FOXP2: variants seen among roughly 807,000 people sequenced by gnomAD.
FOXP2 encodes the protein forkhead box P2.
FOXP2 carries 12 observed loss-of-function variants against 115.8 expected under a neutral mutation model. That is an observed-to-expected ratio of 0.10 (90% CI 0.07 to 0.17). The LOEUF is 0.17. FOXP2 is among the 10% of genes least tolerant of loss of function. The pLI is 1.00. For missense variants in FOXP2, 629 were observed against 843.5 expected, an observed-to-expected ratio of 0.75 and a Z score of 3.15; for synonymous variants, 328 against 297.7, an observed-to-expected ratio of 1.10 and a Z score of -1.05.
intron 1 of FOXP2, among the ~76,000 whole-genome samples, chr7:114,217,217 G>A (rs2129162950): frequency 6.6e-6 from 1 of 152,264 alleles, no homozygotes; most frequent in South Asian, 2.1e-4. Context: ...GGGATTGGCA[G>A]GCCCTCTGTA....
intron 1 of FOXP2, among the ~76,000 whole-genome samples, chr7:114,174,413 A>T (rs1793232822): frequency 6.6e-6 from 1 of 152,026 alleles, no homozygotes; most frequent in Non-Finnish European, 1.5e-5. Flanking sequence ...CTGTAACTTT[A>T]TGTTAACCTG....
At chr7:114,492,399 A>G (rs1214363901) in intron 2 of FOXP2, among the ~76,000 whole-genome samples, 2 of 151,494 alleles carry the variant, frequency 1.3e-5, no homozygotes, top group African/African-American at 2.4e-5. Flanking sequence ...GATTTTTTGT[A>G]TCTCTATTTC....
At chr7:114,479,719 A>T (rs560196043) in intron 2 of FOXP2, among the ~76,000 whole-genome samples, 1 of 151,694 alleles carries the variant, frequency 6.6e-6, no homozygotes, top group South Asian at 2.1e-4. Flanking sequence ...ACAAATCTGT[A>T]CACATGTTAT....
chr7:114,663,516 G>A lies in FOXP2; in HGVS notation c.1836G>A (p.Leu612=). 1 of 1,607,186 alleles carries A rather than the reference G, an allele frequency of 6.2e-7. No homozygotes were observed. The highest frequency in any genetic ancestry group is 1.7e-5 in the Admixed American group (1 of 59,602). The change falls in exon 15 of 17, where the codon TTG becomes TTA. Residue 612 remains leucine, a synonymous_variant. Transcript: ENST00000350908. ...ATGGAGCAGCTCTTAATGCCAGTTTGCAGGTAATGTACTTTCCCAGTTTTG... is the reference window on the plus strand; with the variant it reads ...ATGGAGCAGCTCTTAATGCCAGTTTACAGGTAATGTACTTTCCCAGTTTTG... ...LGYGAALNAS[L]QAALAESSLP...
chr7:114,289,197 A>G (rs573466119), intron 2 of FOXP2, among the ~76,000 whole-genome samples: 1 of 151,994 alleles, frequency 6.6e-6, no homozygotes, highest in East Asian at 1.9e-4. Context: ...CATTAAAATG[A>G]TCCCACATTT....
chr7:114,128,932 C>A (rs920273190), intron 1 of FOXP2, among the ~76,000 whole-genome samples: 1 of 152,072 alleles, frequency 6.6e-6, no homozygotes, highest in Non-Finnish European at 1.5e-5. Flanking sequence ...CCTTATTTCC[C>A]TTTTCATCCT....
intron 2 of FOXP2, among the ~76,000 whole-genome samples, chr7:114,315,501 T>A (rs1015645829): frequency 6.6e-6 from 1 of 152,118 alleles, no homozygotes; most frequent in African/African-American, 2.4e-5. Flanking sequence ...TTGCATGAAG[T>A]ATTATATTTT....
At chr7:114,142,690 T>G (rs928379842) in intron 1 of FOXP2, among the ~76,000 whole-genome samples, 2 of 152,172 alleles carry the variant, frequency 1.3e-5, no homozygotes, top group African/African-American at 4.8e-5. Flanking sequence ...TGGCATATGG[T>G]CAGTGCTCAG....
intron 1 of FOXP2, among the ~76,000 whole-genome samples, chr7:114,177,311 T>C: frequency 6.6e-6 from 1 of 152,168 alleles, no homozygotes; most frequent in Non-Finnish European, 1.5e-5. Flanking sequence ...TACCAACCAG[T>C]CTTCTAGAGC....
At chr7:114,213,799 T>G (rs903756176) in intron 1 of FOXP2, among the ~76,000 whole-genome samples, 1 of 152,154 alleles carries the variant, frequency 6.6e-6, no homozygotes, top group African/African-American at 2.4e-5. Flanking sequence ...GTTATAACAA[T>G]TAATAAGAAT....
intron 3 of FOXP2, among the ~76,000 whole-genome samples, chr7:114,627,034 A>G (rs1295618031): frequency 6.6e-6 from 1 of 151,900 alleles, no homozygotes; most frequent in Admixed American, 6.6e-5. Context: ...ATATGTTAAC[A>G]TGGAGAAAAG....
At chr7:114,167,591 C>T (rs185255187) in intron 1 of FOXP2, among the ~76,000 whole-genome samples, 108 of 152,032 alleles carry the variant, frequency 7.1e-4, no homozygotes, top group African/African-American at 1.9e-3. Flanking sequence ...AGGTCTTTCC[C>T]GTGCTGTTCT....
At chr7:114,484,318 ATCTTTCAAAC>A (rs1424008945) in intron 2 of FOXP2, among the ~76,000 whole-genome samples, 1 of 151,852 alleles carries the variant, frequency 6.6e-6, no homozygotes, top group African/African-American at 2.4e-5. Flanking sequence ...TTTTGAATAT[ATCTTTCAAAC>A]TCAGTTTCTA....
chr7:114,628,535 G>A lies in FOXP2; in HGVS notation c.259-5G>A, dbSNP rs1374076368. 13 of 1,613,894 alleles carry A rather than the reference G, an allele frequency of 8.1e-6. No homozygotes were observed. The highest frequency in any genetic ancestry group is 1.0e-5 in the Non-Finnish European group (12 of 1,179,940). ...ATTTTCTTTCTCTTTCTCTTTCTGT[G>A]CAAGGTGCCTGTGTCAGTGGCCATG... On this transcript the variant is annotated splice_region_variant and splice_polypyrimidine_tract_variant and intron_variant, in intron 3 of 16. Transcript: ENST00000350908.
At chr7:114,571,616 G>A (rs531754221) in intron 3 of FOXP2, among the ~76,000 whole-genome samples, 39 of 151,882 alleles carry the variant, frequency 2.6e-4, no homozygotes, top group Non-Finnish European at 4.9e-4. Flanking sequence ...ATGGATGGTT[G>A]CATCTGTACC....
At chr7:114,197,994 A>G (rs1188140351) in intron 1 of FOXP2, among the ~76,000 whole-genome samples, 1 of 151,840 alleles carries the variant, frequency 6.6e-6, no homozygotes, top group Non-Finnish European at 1.5e-5. Context: ...CACCCCAGGT[A>G]GCTGGGATTA....
intron 2 of FOXP2, among the ~76,000 whole-genome samples, chr7:114,383,870 C>T (rs377111755): frequency 3.9e-5 from 6 of 152,172 alleles, no homozygotes; most frequent in African/African-American, 1.4e-4. Context: ...CTCTAAGGGC[C>T]TAATGCTTAT....
At chr7:114,536,202 T>C (rs1799384437) in intron 3 of FOXP2, among the ~76,000 whole-genome samples, 1 of 151,500 alleles carries the variant, frequency 6.6e-6, no homozygotes, top group Admixed American at 6.6e-5. Context: ...AAGCAAAAGA[T>C]AGGAATGAAG....
intron 1 of FOXP2, among the ~76,000 whole-genome samples, chr7:114,096,607 T>C (rs1038169127): frequency 6.6e-6 from 1 of 152,222 alleles, no homozygotes; most frequent in African/African-American, 2.4e-5. Flanking sequence ...TGAAAACATC[T>C]CATTCCCATT....
Sources: allele counts gnomAD v4.1 joint callset (sites outside exome capture counted in the v4.1 genomes callset), GRCh38; gene constraint gnomAD v4.1.1; transcripts MANE v1.5; gene names NCBI Gene and HGNC (gene_info 2026-07-23, HGNC 2026-07-21).